The following AGBL1 variants were observed in gnomAD, a reference collection of about 807,000 sequenced individuals.
The protein encoded by AGBL1 is AGBL carboxypeptidase 1, also known as cytosolic carboxypeptidase 4.
In AGBL1, 130 loss-of-function variants were observed where a neutral mutation model predicts 118.9. The ratio of observed to expected loss-of-function variants is 1.09; its 90% confidence interval spans 0.95 to 1.26. The LOEUF is 1.26. Among genes scored for constraint, AGBL1 ranks in the 50% most tolerant of loss-of-function variants. The pLI, the probability that AGBL1 is intolerant of heterozygous loss-of-function variation, is 0.00. For missense variants in AGBL1, 1,584 were observed against 1,298.1 expected (o/e 1.22, Z -3.38); for synonymous variants, 555 against 478.9 (o/e 1.16, Z -2.08).
chr15:86,657,694 T>C (rs766683660), intron 21 of AGBL1, among the ~76,000 whole-genome samples: 10 of 152,188 alleles, frequency 6.6e-5, no homozygotes, highest in Non-Finnish European at 1.5e-4. Context: ...AATTTATGTC[T>C]GGACTTGCTT....
intron 6 of AGBL1, among the ~76,000 whole-genome samples, chr15:86,226,449 C>T (rs1006721388): frequency 6.6e-6 from 1 of 152,120 alleles, no homozygotes; most frequent in Non-Finnish European, 1.5e-5. Context: ...GAAGGGAGCC[C>T]AGAGAGCTGA....
chr15:86,563,517 A>C (rs1395357056), intron 21 of AGBL1, among the ~76,000 whole-genome samples: 1 of 151,262 alleles, frequency 6.6e-6, no homozygotes, highest in Admixed American at 6.6e-5. Context: ...ACAGTTTGTT[A>C]TAATTTCTGT....
chr15:86,970,445 T>C (rs72755691), intron 23 of AGBL1, among the ~76,000 whole-genome samples: 6,342 of 151,994 alleles, frequency 0.042, 161 homozygotes, highest in Middle Eastern at 0.071. Flanking sequence ...TTCATAACCA[T>C]TGGTTGAAGT....
At chr15:86,703,411 T>G (rs1384248734) in intron 22 of AGBL1, among the ~76,000 whole-genome samples, 1 of 152,314 alleles carries the variant, frequency 6.6e-6, no homozygotes, top group East Asian at 1.9e-4. Flanking sequence ...GTTTACATTG[T>G]TTATGTTTCC....
Position 86,980,885 on chromosome 15 carries a change from C to CTTTTTTTTTT in AGBL1, c.3222-7092_3222-7083dup, listed in dbSNP as rs36077192. On this transcript the variant is annotated intron_variant, in intron 23 of 24. Coordinates refer to the AGBL1 transcript ENST00000441037. ...ATATAAATAGTGCTTCAGAAACATCCTTTTTTTTTTTTTTTTTTTGAGACA... is the reference window on the plus strand; with the variant it reads ...ATATAAATAGTGCTTCAGAAACATCCTTTTTTTTTTTTTTTTTTTTTTTTTTTTTGAGACA... Among the ~76,000 whole-genome samples, 409 of 118,958 alleles carry CTTTTTTTTTT rather than the reference C, an allele frequency of 3.4e-3. 4 individuals are homozygous for CTTTTTTTTTT. The highest frequency in any genetic ancestry group is 4.5e-3 in the Non-Finnish European group (267 of 59,920). The allele number at this position is 118,958 out of a possible 152,430, so 78.0% of individuals were successfully genotyped here. A position where few individuals can be genotyped will look rare whatever the true frequency, so the allele number is the denominator to read the frequency against.
intron 22 of AGBL1, among the ~76,000 whole-genome samples, chr15:86,789,619 C>T (rs1007430494): frequency 6.6e-6 from 1 of 152,166 alleles, no homozygotes; most frequent in African/African-American, 2.4e-5. Flanking sequence ...CCAGCCCCGG[C>T]CAACCTGGAT....
chr15:87,019,509 C>T (rs1567290405), intron 24 of AGBL1, among the ~76,000 whole-genome samples: 3 of 152,108 alleles, frequency 2.0e-5, no homozygotes, highest in Non-Finnish European at 2.9e-5. Context: ...GAACAACCTG[C>T]TCCGGAATGA....
intron 23 of AGBL1, among the ~76,000 whole-genome samples, chr15:86,950,396 TA>T (rs929946339): frequency 1.3e-5 from 2 of 150,568 alleles, no homozygotes; most frequent in Admixed American, 6.6e-5. Flanking sequence ...AACCAAGAGT[TA>T]AAAAAATACT....
intron 19 of AGBL1, among the ~76,000 whole-genome samples, chr15:86,542,659 G>T (rs1596247327): frequency 6.6e-6 from 1 of 152,224 alleles, no homozygotes; most frequent in Admixed American, 6.5e-5. Flanking sequence ...GTGAGCCACT[G>T]CGCCTGGCGA....
chr15:86,804,013 C>T (rs2078686105), intron 22 of AGBL1, among the ~76,000 whole-genome samples: 1 of 151,724 alleles, frequency 6.6e-6, no homozygotes, highest in African/African-American at 2.4e-5. Context: ...GTCTGTTATC[C>T]AATGGTTTGG....
chr15:86,493,657 C>T (rs1410476938), intron 18 of AGBL1, among the ~76,000 whole-genome samples: 1 of 152,064 alleles, frequency 6.6e-6, no homozygotes, highest in Non-Finnish European at 1.5e-5. Flanking sequence ...TTTCAGTCCA[C>T]ACACTTTCTT....
intron 22 of AGBL1, among the ~76,000 whole-genome samples, chr15:86,818,820 C>A (rs2078900935): frequency 6.6e-6 from 1 of 152,104 alleles, no homozygotes; most frequent in Non-Finnish European, 1.5e-5. Flanking sequence ...CTCTTTTAGG[C>A]TGGGAGACAC....
At chr15:86,260,386 G>A (rs553133315) in intron 9 of AGBL1, among the ~76,000 whole-genome samples, 5 of 152,172 alleles carry the variant, frequency 3.3e-5, no homozygotes, top group Non-Finnish European at 7.3e-5. Flanking sequence ...GTGGAAAGTA[G>A]GGTGCCATGA....
At chr15:86,612,405 AC>A (rs2084669726) in intron 21 of AGBL1, among the ~76,000 whole-genome samples, 1 of 133,816 alleles carries the variant, frequency 7.5e-6, no homozygotes, top group Non-Finnish European at 1.6e-5. Flanking sequence ...TTCCAAAAAA[AC>A]CTGAAGAACT....
At chr15:86,485,396 T>TG (rs1447306623) in intron 18 of AGBL1, among the ~76,000 whole-genome samples, 5 of 76,404 alleles carry the variant, frequency 6.5e-5, no homozygotes, top group Non-Finnish European at 1.1e-4. Context: ...CAACTATACT[T>TG]ATTTTAATAC....
At chr15:86,309,521 A>G (rs1368725871) in intron 17 of AGBL1, among the ~76,000 whole-genome samples, 1 of 152,132 alleles carries the variant, frequency 6.6e-6, no homozygotes, top group Non-Finnish European at 1.5e-5. Flanking sequence ...TTTGTCTTTG[A>G]GTATGTATTT....
intron 20 of AGBL1, among the ~76,000 whole-genome samples, chr15:86,551,378 C>T (rs2083660931): frequency 2.0e-5 from 3 of 151,922 alleles, no homozygotes; most frequent in South Asian, 4.2e-4. Flanking sequence ...ATACAAGTTA[C>T]CAAAATTGGG....
chr15:86,793,384 G>C (rs1019178276), intron 22 of AGBL1, among the ~76,000 whole-genome samples: 2 of 152,096 alleles, frequency 1.3e-5, no homozygotes, highest in Admixed American at 1.3e-4. Context: ...TCATTCAGTA[G>C]GGAAAGAATA....
chr15:86,405,474 A>C (rs912176143), intron 18 of AGBL1, among the ~76,000 whole-genome samples: 5 of 151,938 alleles, frequency 3.3e-5, no homozygotes, highest in South Asian at 2.1e-4. Flanking sequence ...CCAAGATCAC[A>C]CCAGCCTGGG....
Sources: allele counts gnomAD v4.1 joint callset (sites outside exome capture counted in the v4.1 genomes callset), GRCh38; gene constraint gnomAD v4.1.1; transcripts MANE v1.5; gene names NCBI Gene and HGNC (gene_info 2026-07-23, HGNC 2026-07-21).